The following CTCF variants were observed in gnomAD, a reference collection of about 807,000 sequenced individuals.
CTCF encodes the protein transcriptional repressor CTCF.
In CTCF, 7 loss-of-function variants were observed where a neutral mutation model predicts 72.3. The ratio of observed to expected loss-of-function variants is 0.10; its 90% CI spans 0.06 to 0.18. The LOEUF is 0.18. Ranked by LOEUF, CTCF falls within the 10% of genes least tolerant of loss-of-function variation. The probability of loss-of-function intolerance (pLI) is 1.00; values close to 1 mark genes in which losing one functional copy is unlikely to be tolerated. For missense variants in CTCF, 516 were observed against 949.1 expected (o/e 0.54, Z 6.00); for synonymous variants, 374 against 315.8 (o/e 1.18, Z -1.95).
intron 2 of CTCF, among the ~76,000 whole-genome samples, chr16:67,590,410 A>G (rs1005981789): frequency 1.3e-5 from 2 of 152,118 alleles, no homozygotes; most frequent in South Asian, 2.1e-4. Flanking sequence ...GAATGCTCTT[A>G]ACTTTTTTTT....
intron 5 of CTCF, among the ~76,000 whole-genome samples, chr16:67,619,225 C>T (rs1355609667): frequency 2.0e-5 from 3 of 152,152 alleles, no homozygotes; most frequent in African/African-American, 2.4e-5. Flanking sequence ...CACCTGAGAT[C>T]AAGAGTTTGA....
intron 5 of CTCF, among the ~76,000 whole-genome samples, chr16:67,618,394 C>T (rs908239477): frequency 5.3e-5 from 8 of 152,012 alleles, no homozygotes; most frequent in Admixed American, 2.6e-4. Flanking sequence ...GAGTGAGACT[C>T]CCCCTCAAAA....
intron 7 of CTCF, among the ~76,000 whole-genome samples, chr16:67,624,283 C>G (rs1288213478): frequency 6.6e-6 from 1 of 151,812 alleles, no homozygotes; most frequent in African/African-American, 2.4e-5. Flanking sequence ...ACAGTCTTCT[C>G]CCCCTCATCT....
chr16:67,582,851 G>A (rs1355445156), intron 2 of CTCF, among the ~76,000 whole-genome samples: 1 of 152,000 alleles, frequency 6.6e-6, no homozygotes, highest in East Asian at 1.9e-4. Flanking sequence ...ATGACTTACA[G>A]ATAGGGTGAC....
Position 67,593,934 on chromosome 16 carries a change from T to A in CTCF, c.-9-16890T>A, listed in dbSNP as rs181345409. Among the ~76,000 whole-genome samples, 170 of 152,304 alleles carry A rather than the reference T, an allele frequency of 1.1e-3. 1 individual carries two copies. The highest frequency in any genetic ancestry group is 2.1e-3 in the Non-Finnish European group (146 of 68,028). On this transcript the variant is annotated intron_variant, in intron 2 of 11. Transcript: ENST00000264010. ...TGAGTATAAAAGGTTGTTTTGGTTG[T>A]TTTCCTTTGGAAATTGTCTGACATA...
rs938042285 is a variant in CTCF, at chr16:67,621,381, C to T, written c.1208-61C>T. ...GCATATCTGCCACCTGAGTTACCCTCCAGTTAAATTACAGTATTTATTCAT... is the reference window on the plus strand; with the variant it reads ...GCATATCTGCCACCTGAGTTACCCTTCAGTTAAATTACAGTATTTATTCAT... On this transcript the variant is annotated intron_variant, in intron 6 of 11. Coordinates refer to ENST00000264010, the MANE Select transcript of CTCF (RefSeq NM_006565.4). The T allele has an allele frequency of 5.5e-6, 7 of 1,276,486 alleles. No homozygotes were observed. The African/African-American group carries it at 7.3e-5, about 13-fold the overall frequency. The allele number at this position is 1,276,486 out of a possible 1,614,324, so 79.1% of individuals were successfully genotyped here.
At chr16:67,604,903 A>G (rs1182337248) in intron 2 of CTCF, among the ~76,000 whole-genome samples, 1 of 150,664 alleles carries the variant, frequency 6.6e-6, no homozygotes, top group Non-Finnish European at 1.5e-5. Context: ...AGTACTGAGT[A>G]TATAAAATTA....
At chr16:67,622,207 T>G (rs1277479238) in intron 7 of CTCF, among the ~76,000 whole-genome samples, 1 of 151,832 alleles carries the variant, frequency 6.6e-6, no homozygotes. Flanking sequence ...ATACAAAAAA[T>G]TAACTGGGCA....
chr16:67,619,114 T>C (rs147400133), intron 5 of CTCF, among the ~76,000 whole-genome samples: 165 of 152,334 alleles, frequency 1.1e-3, no homozygotes, highest in Admixed American at 3.5e-3. Flanking sequence ...AGTTATCGAC[T>C]TATGTGTGTG....
chr16:67,571,400 A>T (rs1184787253), intron 2 of CTCF, 136 bp downstream of exon 2: 4 of 152,412 alleles, frequency 2.6e-5, no homozygotes, highest in Non-Finnish European at 5.9e-5. Context: ...AGGCTTCATA[A>T]TCAGAGTCCT....
chr16:67,566,345 A>C (rs1567588192), intron 1 of CTCF, among the ~76,000 whole-genome samples: 1 of 151,322 alleles, frequency 6.6e-6, no homozygotes, highest in African/African-American at 2.4e-5. Flanking sequence ...CTTTACCAAA[A>C]ACACAAAAAT....
At chr16:67,577,980 A>G (rs1176034203) in intron 2 of CTCF, among the ~76,000 whole-genome samples, 2 of 152,180 alleles carry the variant, frequency 1.3e-5, no homozygotes, top group East Asian at 1.9e-4. Flanking sequence ...TGATTGTAGA[A>G]TTACATTAGA....
intron 1 of CTCF, among the ~76,000 whole-genome samples, chr16:67,570,203 A>T (rs2051397163): frequency 6.7e-6 from 1 of 148,200 alleles, no homozygotes; most frequent in African/African-American, 2.5e-5. Context: ...CAGTCTCCTG[A>T]GTAGCTGGGA....
chr16:67,581,207 C>T lies in CTCF; in HGVS notation c.-10+9943C>T, dbSNP rs977111082. ...CCTCCCAGAGTGCTGGGATTACAGG[C>T]GTGAGCCACTGCACCTGGCCCGGCC... On this transcript the variant is annotated intron_variant, in intron 2 of 11. Transcript: ENST00000264010. Among the ~76,000 whole-genome samples, 7 of 152,292 alleles carry T rather than the reference C, an allele frequency of 4.6e-5. No homozygotes were observed. In the East Asian group the frequency reaches 7.7e-4, roughly 17 times the overall value.
At chr16:67,566,785 T>G (rs1273249506) in intron 1 of CTCF, among the ~76,000 whole-genome samples, 2 of 152,036 alleles carry the variant, frequency 1.3e-5, no homozygotes, top group Admixed American at 6.6e-5. Context: ...TTCACCGTGT[T>G]AGCAAGGATG....
chr16:67,610,355 T>TC (rs1346821731), intron 2 of CTCF, among the ~76,000 whole-genome samples: 4 of 146,424 alleles, frequency 2.7e-5, no homozygotes, highest in African/African-American at 7.5e-5. Flanking sequence ...TTTTTCTTTT[T>TC]TTTTTTTTTT....
intron 2 of CTCF, among the ~76,000 whole-genome samples, chr16:67,605,927 T>G (rs1463194069): frequency 2.0e-5 from 3 of 152,078 alleles, no homozygotes; most frequent in Non-Finnish European, 2.9e-5. Flanking sequence ...TATCATGGGG[T>G]CAGGTACGAA....
At chr16:67,629,968 G>A (rs892132788) in intron 10 of CTCF, among the ~76,000 whole-genome samples, 3 of 150,590 alleles carry the variant, frequency 2.0e-5, no homozygotes, top group Non-Finnish European at 4.4e-5. Context: ...AGTAGAGACG[G>A]GGTTTCACCG....
intron 2 of CTCF, among the ~76,000 whole-genome samples, chr16:67,591,383 C>A (rs1176471278): frequency 6.6e-6 from 1 of 152,158 alleles, no homozygotes; most frequent in Non-Finnish European, 1.5e-5. Flanking sequence ...TGCTTCCGTT[C>A]CCAGTCACTG....
Sources: gnomAD v4.1 joint callset for allele counts (sites outside exome capture counted in the v4.1 genomes callset) on GRCh38, gnomAD v4.1.1 for gene constraint, MANE v1.5 for transcripts, NCBI Gene and HGNC (gene_info 2026-07-23, HGNC 2026-07-21) for gene names.